The following PCDHGA8 variants were observed in gnomAD, a reference collection of about 807,000 sequenced individuals.
PCDHGA8 encodes the protein protocadherin gamma-A8.
In PCDHGA8, 45 loss-of-function variants were observed where a neutral mutation model predicts 59.2. The observed-to-expected ratio is 0.76, with a 90% confidence interval of 0.60 to 0.98. The LOEUF is 0.98. Ranked by LOEUF, PCDHGA8 falls within the 50% of genes least tolerant of loss-of-function variation. The pLI is 0.00. For synonymous variants in PCDHGA8, 531 were observed against 519.0 expected, an observed-to-expected ratio of 1.02 and a Z score of -0.32; for missense variants, 1,257 against 1,196.2, an observed-to-expected ratio of 1.05 and a Z score of -0.75.
chr5:141,453,609 G>A (rs1208329212), intron 1 of PCDHGA8, among the ~76,000 whole-genome samples: 3 of 151,900 alleles, frequency 2.0e-5, no homozygotes, highest in South Asian at 4.2e-4. Context: ...TTTGCAAAAC[G>A]CAAAAACAAA....
At position 141,477,924 on chromosome 5, in the gene PCDHGA8, A is replaced by G; in HGVS notation, c.2425-16883A>G. 1 of 1,614,140 alleles carries G rather than the reference A, an allele frequency of 6.2e-7. No homozygotes were observed. On this transcript the variant is annotated intron_variant, in intron 1 of 3. Transcript: ENST00000398604. The surrounding 1 kb of genome is among the most constrained non-coding windows in gnomAD (Gnocchi z 4.9). ...GGCTGGGACGCGGATGCAGGGCACA[A>G]TGCCTGGCTCTCCTACAGTCTCTTG...
intron 1 of PCDHGA8, chr5:141,415,071 G>T: frequency 6.2e-7 from 1 of 1,613,422 alleles, no homozygotes; most frequent in East Asian, 2.2e-5. Flanking sequence ...AGGTGCGCAC[G>T]GCGCGAGCCC....
In PCDHGA8 at chr5:141,511,421, G is replaced by A. The variant is rs1289887363; in HGVS notation, c.*248G>A. 19 of 829,148 alleles carry A rather than the reference G, an allele frequency of 2.3e-5. No individual in the cohort carries two copies. The highest frequency in any genetic ancestry group is 3.8e-4 in the Middle Eastern group (1 of 2,640). 51.4% of individuals were successfully genotyped at this position (829,148 alleles called of 1,614,324 possible). On this transcript the variant is annotated 3_prime_UTR_variant, in exon 4 of 4. Coordinates refer to ENST00000398604, the MANE Select transcript of PCDHGA8 (RefSeq NM_032088.2). The stretch of plus-strand genomic sequence containing the variant: ...CCAATCAACTGCTGTACCCATGGGG[G>A]TAGTGGGGTTACTGTAGACACCAAG...
At chr5:141,397,668 C>T (rs1455080741) in intron 1 of PCDHGA8, among the ~76,000 whole-genome samples, 3 of 152,224 alleles carry the variant, frequency 2.0e-5, no homozygotes, top group African/African-American at 7.2e-5. Flanking sequence ...AAAGAATGGA[C>T]CAATGTATGC....
chr5:141,419,794 T>G, intron 1 of PCDHGA8: 1 of 1,614,048 alleles, frequency 6.2e-7, no homozygotes, highest in Non-Finnish European at 8.5e-7. Flanking sequence ...TGCTAGTCGC[T>G]GTAAGAGATG....
chr5:141,448,903 C>A (rs1460471063), intron 1 of PCDHGA8, among the ~76,000 whole-genome samples: 2 of 152,112 alleles, frequency 1.3e-5, no homozygotes, highest in Non-Finnish European at 2.9e-5. Context: ...CGAGATCGTG[C>A]CACTGCACTC....
intron 1 of PCDHGA8, chr5:141,418,465 A>G (rs2096261082): frequency 6.2e-7 from 1 of 1,614,022 alleles, no homozygotes; most frequent in Non-Finnish European, 8.5e-7. Context: ...CTCTGGACCG[A>G]GAAACGCAGA....
chr5:141,422,874 G>C (rs763219526), intron 1 of PCDHGA8: 56 of 1,614,134 alleles, frequency 3.5e-5, no homozygotes, highest in Non-Finnish European at 1.0e-5. Flanking sequence ...ACGTGTCGCT[G>C]AGCCTGTTCG....
chr5:141,399,642 G>T lies in PCDHGA8; in HGVS notation c.2424+4405G>T. 1.9e-6 allele frequency: 3 copies of T among 1,613,750 alleles called. 1 individual carries two copies. Among genetic ancestry groups the T allele is most frequent in the Non-Finnish European group, 2.5e-6 (3 of 1,179,856 alleles). ...TGGCCTCTTACGTGTCCATGAGCGC[G>T]CAAAGTGGGGTGGTGTTCGCGCAGC... On this transcript the variant is annotated intron_variant, in intron 1 of 3. Transcript: ENST00000398604.
At chr5:141,428,100 G>A (rs1313410784) in intron 1 of PCDHGA8, 6 of 1,608,582 alleles carry the variant, frequency 3.7e-6, no homozygotes, top group East Asian at 2.2e-5. Context: ...GTCCTACCAC[G>A]TGCTGCAGGC....
chr5:141,458,702 T>G (rs1333580253), intron 1 of PCDHGA8, among the ~76,000 whole-genome samples: 1 of 152,102 alleles, frequency 6.6e-6, no homozygotes, highest in East Asian at 1.9e-4. Context: ...CCCGAGTAGC[T>G]GGGATTACAG....
Position 141,486,697 on chromosome 5 carries a change from C to G in PCDHGA8, c.2425-8110C>G. 1 of 1,614,176 alleles carries G rather than the reference C, an allele frequency of 6.2e-7. No individual in the cohort carries two copies. The highest frequency in any genetic ancestry group is 8.5e-7 in the Non-Finnish European group (1 of 1,180,032). ...GAGATGTATCAGCTTCCTCTTTCATCTCTCTGAACCCCCAGACAGGAGCTG... is the reference window on the plus strand; with the variant it reads ...GAGATGTATCAGCTTCCTCTTTCATGTCTCTGAACCCCCAGACAGGAGCTG... On this transcript the variant is annotated intron_variant, in intron 1 of 3. Coordinates refer to ENST00000398604, the MANE Select transcript of PCDHGA8 (RefSeq NM_032088.2). The surrounding 1 kb of genome is among the most constrained non-coding windows in gnomAD (Gnocchi z 5.0).
intron 1 of PCDHGA8, among the ~76,000 whole-genome samples, chr5:141,488,236 T>A (rs1333427955): frequency 6.6e-6 from 1 of 152,154 alleles, no homozygotes; most frequent in Admixed American, 6.5e-5. Context: ...TTGAACTAGA[T>A]GCGGTAAATT....
chr5:141,427,023 G>A, intron 1 of PCDHGA8: 1 of 456,968 alleles, frequency 2.2e-6, no homozygotes, highest in Non-Finnish European at 4.4e-6. Flanking sequence ...TGTATACAAA[G>A]TCAGCCTTAG....
chr5:141,425,127 A>G (rs1353123394), intron 1 of PCDHGA8, among the ~76,000 whole-genome samples: 2 of 152,208 alleles, frequency 1.3e-5, no homozygotes, highest in Non-Finnish European at 2.9e-5. Flanking sequence ...CTTGAAGTCA[A>G]GAAAAATGTT....
intron 2 of PCDHGA8, among the ~76,000 whole-genome samples, chr5:141,500,046 T>C (rs959260262): frequency 1.3e-5 from 2 of 152,098 alleles, no homozygotes; most frequent in African/African-American, 4.8e-5. Context: ...TTAAGTATCT[T>C]AATGCTCTTT....
chr5:141,400,217 T>C (rs771117256), intron 1 of PCDHGA8: 1 of 1,613,916 alleles, frequency 6.2e-7, no homozygotes, highest in Non-Finnish European at 8.5e-7. Flanking sequence ...TTGATCTCAG[T>C]GCTCTTCCTC....
chr5:141,458,698 T>C (rs1258294275), intron 1 of PCDHGA8, among the ~76,000 whole-genome samples: 1 of 152,054 alleles, frequency 6.6e-6, no homozygotes, highest in East Asian at 1.9e-4. Context: ...GCCTCCCGAG[T>C]AGCTGGGATT....
At chr5:141,426,756 G>C in intron 1 of PCDHGA8, 1 of 456,302 alleles carries the variant, frequency 2.2e-6, no homozygotes, top group Non-Finnish European at 4.4e-6. Context: ...ATCTGCTATA[G>C]ATGCAGATGT....
Sources: allele counts gnomAD v4.1 joint callset (sites outside exome capture counted in the v4.1 genomes callset), GRCh38; gene constraint gnomAD v4.1.1; non-coding constraint Gnocchi (gnomAD v3.1); transcripts MANE v1.5; gene names NCBI Gene and HGNC (gene_info 2026-07-23, HGNC 2026-07-21).